SLC30A1: variants seen among roughly 807,000 people sequenced by gnomAD.
SLC30A1 encodes the protein solute carrier family 30 member 1, also known as proton-coupled zinc antiporter SLC30A1.
In SLC30A1, 7 loss-of-function variants were observed where a neutral mutation model predicts 29.8. That is an observed-to-expected ratio of 0.23 (90% CI 0.13 to 0.44). The LOEUF (loss-of-function observed/expected upper bound fraction) is 0.44, where lower values mean the gene tolerates loss of function less well. Among genes scored for constraint, SLC30A1 ranks in the 20% least tolerant of loss-of-function variants. The pLI, the probability that SLC30A1 is intolerant of heterozygous loss-of-function variation, is 1.00. For synonymous variants in SLC30A1, 254 were observed against 253.5 expected, an observed-to-expected ratio of 1.00 and a Z score of -0.02; for missense variants, 446 against 647.9, an observed-to-expected ratio of 0.69 and a Z score of 3.38.
At position 211,577,881 on chromosome 1, in the gene SLC30A1, C is replaced by G; in HGVS notation, c.622+110G>C. 1 of 1,439,456 alleles carries G rather than the reference C, an allele frequency of 6.9e-7. No individual in the cohort carries two copies. Among genetic ancestry groups the G allele is most frequent in the Non-Finnish European group, 9.3e-7 (1 of 1,071,716 alleles). 89.2% of individuals were successfully genotyped at this position (1,439,456 alleles called of 1,614,324 possible). ...GAGGGAGCAGGCAGGGGCGGCGCGG[C>G]GCAGGCCCGCTCGGGCAGCAGGGGG... On this transcript the variant is annotated intron_variant, in intron 1 of 1. Transcript: ENST00000367001. This position sits in a 1 kb window ranked among gnomAD's most constrained non-coding sequence, Gnocchi z 4.5.
At position 211,575,618 on chromosome 1, in the gene SLC30A1, G is replaced by C. The variant is rs188973509; in HGVS notation, c.1294C>G (p.Pro432Ala). ...ASVGSKSSVVPCELACRTQCA... is the reference protein window; with the variant it reads ...ASVGSKSSVVACELACRTQCA... ...TGGGTTCTGCAGGCAAGTTCACACGGAACTACACTTGATTTAGAGCCTACA... is the reference window on the plus strand; with the variant it reads ...TGGGTTCTGCAGGCAAGTTCACACGCAACTACACTTGATTTAGAGCCTACA... The change falls in exon 2 of 2, where the codon CCG becomes GCG. Residue 432 changes from proline (P) to alanine (A), a missense_variant. Physicochemically the swap from Pro to Ala is conservative, Grantham distance 27 (BLOSUM62 -1). Coordinates refer to ENST00000367001, the MANE Select transcript of SLC30A1 (RefSeq NM_021194.3). This position sits in a 1 kb window ranked among gnomAD's most constrained non-coding sequence, Gnocchi z 6.0. 1 of 1,614,122 alleles carries C rather than the reference G, an allele frequency of 6.2e-7. No individual in the cohort carries two copies. Among genetic ancestry groups the C allele is most frequent in the Non-Finnish European group, 8.5e-7 (1 of 1,179,986 alleles).
In SLC30A1 at chr1:211,578,627, G is replaced by C; in HGVS notation, c.-15C>G. 2 of 1,534,282 alleles carry C rather than the reference G, an allele frequency of 1.3e-6. No individual in the cohort carries two copies. The highest frequency in any genetic ancestry group is 1.7e-6 in the Non-Finnish European group (2 of 1,147,964). On this transcript the variant is annotated 5_prime_UTR_variant, in exon 1 of 2. Transcript: ENST00000367001. ...CAACACCCCATGGCTGCGGCTGCGG[G>C]GCCCGCCGAGCCCGGCCCGGAGACT...
At position 211,575,343 on chromosome 1, in the gene SLC30A1, C is replaced by T. The variant is rs1706705711; in HGVS notation, c.*45G>A. The T allele has an allele frequency of 6.7e-7, 1 of 1,490,456 alleles. No homozygotes were observed. Among genetic ancestry groups the T allele is most frequent in the Non-Finnish European group, 9.0e-7 (1 of 1,109,624 alleles). 92.3% of individuals were successfully genotyped at this position (1,490,456 alleles called of 1,614,324 possible). Reference sequence around the variant, plus strand: ...AGAATTTCAGTGGAGTCTTTTTCCTCTTGCAGTTTAAAGCAAAAGTCAAAT... The same window carrying T: ...AGAATTTCAGTGGAGTCTTTTTCCTTTTGCAGTTTAAAGCAAAAGTCAAAT... On this transcript the variant is annotated 3_prime_UTR_variant, in exon 2 of 2. Transcript: ENST00000367001. This position sits in a 1 kb window ranked among gnomAD's most constrained non-coding sequence, Gnocchi z 6.0.
rs373506965 is a variant in SLC30A1 at position 211,578,412 on chromosome 1, G to T, written c.201C>A (p.Thr67=). The T allele has an allele frequency of 3.1e-6, 5 of 1,613,214 alleles. No individual in the cohort carries two copies. The highest frequency in any genetic ancestry group is 4.2e-6 in the Non-Finnish European group (5 of 1,179,778). The change falls in exon 1 of 2, where the codon ACC becomes ACA. Residue 67 remains threonine, a synonymous_variant. Coordinates refer to ENST00000367001, the MANE Select transcript of SLC30A1 (RefSeq NM_021194.3). ...AERFARRTHA[T]QKNTFGWIRA... is the part of the protein sequence containing the mutation. ...GGATCCAGCCGAACGTGTTCTTCTGGGTGGCGTGGGTCCGCCGGGCGAAGC... is the reference window on the plus strand; with the variant it reads ...GGATCCAGCCGAACGTGTTCTTCTGTGTGGCGTGGGTCCGCCGGGCGAAGC...
rs753590148 is a variant in SLC30A1, at chr1:211,578,148, G to A, written c.465C>T (p.His155=). 9 of 1,608,214 alleles carry A rather than the reference G, an allele frequency of 5.6e-6. No individual in the cohort carries two copies. Among genetic ancestry groups the A allele is most frequent in the Non-Finnish European group, 5.9e-6 (7 of 1,178,070 alleles). ...GHGHSHGGHG[H]GHGLPKGPRV... is the part of the protein sequence containing the mutation. ...GAGGCCCCTTGGGGAGGCCGTGGCC[G>A]TGGCCGTGACCCCCGTGCGAGTGGC... Residue 155 remains histidine, a synonymous_variant, in exon 1 of 2, where the codon CAC becomes CAT. Transcript: ENST00000367001.
At position 211,578,598 on chromosome 1, in the gene SLC30A1, AC is replaced by A; in HGVS notation, c.14del (p.Gly5ValfsTer13). 1.3e-6 allele frequency: 2 copies of A among 1,593,594 alleles called. No individual in the cohort carries two copies. The highest frequency in any genetic ancestry group is 1.1e-5 in the South Asian group (1 of 90,174). On this transcript the variant is annotated frameshift_variant, in exon 1 of 2. Coordinates refer to ENST00000367001, the MANE Select transcript of SLC30A1 (RefSeq NM_021194.3). LOFTEE classifies it high-confidence loss of function. ...TGCACAGCAGCCGGCCCCGGTTCCG[AC>A]CCCAACACCCCATGGCTGCGGCTGC... MGCW[G>X]RNRGRLLCML...
intron 1 of SLC30A1, 92 bp from the exon 2 acceptor site, chr1:211,576,381 A>G (rs768105742): frequency 6.5e-5 from 54 of 832,350 alleles, no homozygotes; most frequent in Middle Eastern, 2.7e-4. Flanking sequence ...ATGAAGGTGA[A>G]AATTTTTTCA....
Position 211,577,977 on chromosome 1 carries a change from C to G in SLC30A1, c.622+14G>C. The G allele has an allele frequency of 6.2e-7, 1 of 1,612,402 alleles. No homozygotes were observed. Among genetic ancestry groups the G allele is most frequent in the East Asian group, 2.2e-5 (1 of 44,874 alleles). On this transcript the variant is annotated intron_variant, in intron 1 of 1. Coordinates refer to ENST00000367001, the MANE Select transcript of SLC30A1 (RefSeq NM_021194.3). The surrounding 1 kb of genome is among the most constrained non-coding windows in gnomAD (Gnocchi z 4.5). Reference sequence around the variant, plus strand: ...CAAACCCAACCACCTGCGGCAGCGACTTTCCCGGCTCACCTGCGGGGTCCA... The same window carrying G: ...CAAACCCAACCACCTGCGGCAGCGAGTTTCCCGGCTCACCTGCGGGGTCCA...
rs1396248517 is a variant in SLC30A1 at position 211,574,117 on chromosome 1, C to A, written c.*1271G>T. On this transcript the variant is annotated 3_prime_UTR_variant, in exon 2 of 2. Coordinates refer to ENST00000367001, the MANE Select transcript of SLC30A1 (RefSeq NM_021194.3). The stretch of plus-strand genomic sequence containing the variant: ...AAATCTAATTTTGTCACAAAGCATA[C>A]CCTCTATCAAGAAAAATATAACTTA... 1 of 152,294 alleles carries A rather than the reference C, an allele frequency of 6.6e-6. No homozygotes were observed. Among genetic ancestry groups the A allele is most frequent in the African/African-American group, 2.4e-5 (1 of 41,396 alleles). The allele number at this position is 152,294 out of a possible 1,614,324, so 9.4% of individuals were successfully genotyped here. A position where few individuals can be genotyped will look rare whatever the true frequency, so the allele number is the denominator to read the frequency against.
rs543487973 is a variant in SLC30A1 at position 211,575,514 on chromosome 1, G to A, written c.1398C>T (p.Ser466=). Residue 466 remains serine, a synonymous_variant, in exon 2 of 2, where the codon AGC becomes AGT. Coordinates refer to ENST00000367001, the MANE Select transcript of SLC30A1 (RefSeq NM_021194.3). This position sits in a 1 kb window ranked among gnomAD's most constrained non-coding sequence, Gnocchi z 6.0. ...GKDAEKTPAV[S]ISCLELSNNL... is the part of the protein sequence containing the mutation. ...TGTTACTAAGTTCTAAACAAGAAAT[G>A]CTAACTGCTGGGGTCTTTTCTGCAT... The A allele has an allele frequency of 6.2e-7, 1 of 1,614,146 alleles. No individual in the cohort carries two copies. The highest frequency in any genetic ancestry group is 2.2e-5 in the East Asian group (1 of 44,882).
Position 211,572,234 on chromosome 1 carries a change from A to G in SLC30A1, c.*3154T>C, listed in dbSNP as rs1706662257. On this transcript the variant is annotated 3_prime_UTR_variant, in exon 2 of 2. Transcript: ENST00000367001. ...ACACAGTTTCAATTTTAAAAATGACAAACAAAAAACCCCTACACCTTCCCA... is the reference window on the plus strand; with the variant it reads ...ACACAGTTTCAATTTTAAAAATGACGAACAAAAAACCCCTACACCTTCCCA... The G allele has an allele frequency of 6.6e-6, 1 of 152,094 alleles. No individual in the cohort carries two copies. The highest frequency in any genetic ancestry group is 2.4e-5 in the African/African-American group (1 of 41,440). The allele number at this position is 152,094 out of a possible 1,614,324, so 9.4% of individuals were successfully genotyped here.
chr1:211,577,099 G>C lies in SLC30A1; in HGVS notation c.623-810C>G, dbSNP rs568492562. 6.6e-6 allele frequency among the ~76,000 whole-genome samples: 1 copy of C among 152,078 alleles called. No homozygotes were observed. On this transcript the variant is annotated intron_variant, in intron 1 of 1. Transcript: ENST00000367001. The surrounding 1 kb of genome is among the most constrained non-coding windows in gnomAD (Gnocchi z 4.5). ...TTCACTAACTTCATATTCTGCACTC[G>C]AAAAGGAAAATTATGTAGCATAATT...
In SLC30A1 at chr1:211,574,393, C is replaced by T. The variant is rs1175118330; in HGVS notation, c.*995G>A. On this transcript the variant is annotated 3_prime_UTR_variant, in exon 2 of 2. Coordinates refer to ENST00000367001, the MANE Select transcript of SLC30A1 (RefSeq NM_021194.3). ...TCAAGTCAGTGACTCTTAGAAAGCA[C>T]AAACATTGCTGGTTGTGCTCAAAAA... 1.3e-5 allele frequency: 2 copies of T among 152,070 alleles called. No individual in the cohort carries two copies. Among genetic ancestry groups the T allele is most frequent in the Non-Finnish European group, 2.9e-5 (2 of 67,950 alleles). 9.4% of individuals were successfully genotyped at this position (152,070 alleles called of 1,614,324 possible). A position where few individuals can be genotyped will look rare whatever the true frequency, so the allele number is the denominator to read the frequency against.
rs1706705624 is a variant in SLC30A1 at position 211,575,334 on chromosome 1, C to CTT, written c.*52_*53dup. ...GGCAAACTTAGAATTTCAGTGGAGT[C>CTT]TTTTTCCTCTTGCAGTTTAAAGCAA... On this transcript the variant is annotated 3_prime_UTR_variant, in exon 2 of 2. Transcript: ENST00000367001. The surrounding 1 kb of genome is among the most constrained non-coding windows in gnomAD (Gnocchi z 6.0). 2 of 1,455,550 alleles carry CTT rather than the reference C, an allele frequency of 1.4e-6. No homozygotes were observed. Among genetic ancestry groups the CTT allele is most frequent in the Admixed American group, 4.5e-5 (2 of 44,076 alleles). The allele number at this position is 1,455,550 out of a possible 1,614,324, so 90.2% of individuals were successfully genotyped here. A position where few individuals can be genotyped will look rare whatever the true frequency, so the allele number is the denominator to read the frequency against.
In SLC30A1 at chr1:211,575,724, G is replaced by A. The variant is rs967716308; in HGVS notation, c.1188C>T (p.Tyr396=). 6.2e-7 allele frequency: 1 copy of A among 1,614,122 alleles called. No individual in the cohort carries two copies. The highest frequency in any genetic ancestry group is 1.1e-5 in the South Asian group (1 of 91,086). ...CTTTAATGGTTTTAGCCACCTCCAT[G>A]TATGATGTTGGATCTTCACATTTTA... is the stretch of plus-strand genomic sequence containing the variant. ...AHIKCEDPTS[Y]MEVAKTIKDV... The change falls in exon 2 of 2, where the codon TAC becomes TAT. Residue 396 remains tyrosine, a synonymous_variant. Transcript: ENST00000367001. The surrounding 1 kb of genome is among the most constrained non-coding windows in gnomAD (Gnocchi z 6.0).
In SLC30A1 at chr1:211,576,010, G is replaced by A; in HGVS notation, c.902C>T (p.Thr301Ile). 3 of 1,613,572 alleles carry A rather than the reference G, an allele frequency of 1.9e-6. No individual in the cohort carries two copies. Among genetic ancestry groups the A allele is most frequent in the East Asian group, 2.2e-5 (1 of 44,878 alleles). The change falls in exon 2 of 2, where the codon ACT (threonine) becomes ATT (isoleucine). Residue 301 changes from threonine (T) to isoleucine (I), a missense_variant. By Grantham distance (89) the Thr-to-Ile change is moderately conservative (BLOSUM62 -1). Coordinates refer to ENST00000367001, the MANE Select transcript of SLC30A1 (RefSeq NM_021194.3). ...ACCAGCCTCATAAACTGATGCATGA[G>A]TACTATTAATTATTTCTACAAATGC... ...CKAFVEIINS[T>I]HASVYEAGPC...
rs779864840 is a variant in SLC30A1 at position 211,575,580 on chromosome 1, C to T, written c.1332G>A (p.Lys444=). 15 of 1,614,162 alleles carry T rather than the reference C, an allele frequency of 9.3e-6. No homozygotes were observed. Among genetic ancestry groups the T allele is most frequent in the Non-Finnish European group, 1.2e-5 (14 of 1,179,994 alleles). ...CTTGTGGTAGTGTCCCACAACATTGCTTCAAAGCACACTGGGTTCTGCAGG... is the reference window on the plus strand; with the variant it reads ...CTTGTGGTAGTGTCCCACAACATTGTTTCAAAGCACACTGGGTTCTGCAGG... ...ELACRTQCAL[K]QCCGTLPQAP... The change falls in exon 2 of 2, where the codon AAG becomes AAA. Residue 444 remains lysine (K), a synonymous_variant. Transcript: ENST00000367001. The surrounding 1 kb of genome is among the most constrained non-coding windows in gnomAD (Gnocchi z 6.0).
chr1:211,576,431 A>AT, intron 1 of SLC30A1, 142 bp from the exon 2 acceptor site: 1 of 582,426 alleles, frequency 1.7e-6, no homozygotes, highest in Non-Finnish European at 2.9e-6. Flanking sequence ...GCAATTTAAT[A>AT]TAAATTGACA....
rs775721018 is a variant in SLC30A1, at chr1:211,578,093, C to G, written c.520G>C (p.Asp174His). ...RVKSTRPGSS[D>H]INVAPGEQGP... The stretch of plus-strand genomic sequence containing the variant: ...TGCTCGCCCGGGGCCACGTTGATGT[C>G]GCTGCTCCCGGGGCGGGTGCTCTTA... The change falls in exon 1 of 2, where the codon GAC becomes CAC. Residue 174 changes from aspartate to histidine, a missense_variant. Physicochemically the swap from Asp to His is moderately conservative, Grantham distance 81 (BLOSUM62 -1). Around this residue, in one of 5 missense-constraint regions of SLC30A1, gnomAD observed 159 missense variants for 161.1 expected, o/e 0.99. Transcript: ENST00000367001. The G allele has an allele frequency of 5.6e-6, 9 of 1,611,586 alleles. No homozygotes were observed. The highest frequency in any genetic ancestry group is 4.0e-5 in the African/African-American group (3 of 74,918).
Sources: gnomAD v4.1 joint callset for allele counts (sites outside exome capture counted in the v4.1 genomes callset) on GRCh38, gnomAD v4.1.1 for gene constraint, gnomAD v4.1.1 regional missense constraint, Gnocchi (gnomAD v3.1) non-coding constraint, MANE v1.5 for transcripts, NCBI Gene and HGNC (gene_info 2026-07-23, HGNC 2026-07-21) for gene names.